The following PDZK1 variants were observed in gnomAD, a reference collection of about 807,000 sequenced individuals.
The protein encoded by PDZK1 is PDZ domain containing 1.
A neutral mutation model predicts 38.1 loss-of-function variants in PDZK1; 23 were observed. That is an observed-to-expected ratio of 0.60 (90% CI 0.43 to 0.85). PDZK1 has a LOEUF of 0.85. Ranked by LOEUF, PDZK1 falls within the 40% of genes least tolerant of loss-of-function variation. The pLI is 0.00. For missense variants in PDZK1, 297 were observed against 504.3 expected (o/e 0.59, Z 3.94); for synonymous variants, 98 against 186.2 (o/e 0.53, Z 3.86).
intron 1 of PDZK1, among the ~76,000 whole-genome samples, chr1:145,697,968 CAA>C (rs1334977991): frequency 3.3e-5 from 5 of 151,542 alleles, no homozygotes; most frequent in Admixed American, 3.3e-4. Context: ...GTTTCTGTAT[CAA>C]GAGATGATAT....
chr1:145,686,688 A>C lies in PDZK1; in HGVS notation c.249T>G (p.Thr83=). The C allele has an allele frequency of 6.4e-7, 1 of 1,562,476 alleles. No individual in the cohort carries two copies. The highest frequency in any genetic ancestry group is 8.8e-7 in the Non-Finnish European group (1 of 1,138,918). ...DLVRKSGNSV[T]LLVLDGDSYE... Reference sequence around the variant, plus strand: ...AGGAATCCCCATCCAGAACTAGTAAAGTCACTGAATTCCCACTCTTTCTGA... The same window carrying C: ...AGGAATCCCCATCCAGAACTAGTAACGTCACTGAATTCCCACTCTTTCTGA... Residue 83 remains threonine (T), a synonymous_variant, in exon 3 of 9, where the codon ACT becomes ACG. Transcript: ENST00000417171.
At chr1:145,671,849 TTACAGAATTTTTAAATGACAA>T (rs1422124349) in intron 8 of PDZK1, among the ~76,000 whole-genome samples, 3 of 152,236 alleles carry the variant, frequency 2.0e-5, no homozygotes, top group South Asian at 4.1e-4. Context: ...TAAAGAGAAA[TTACAGAATTTTTAAATGACAA>T]CTAATACAAC....
intron 6 of PDZK1, among the ~76,000 whole-genome samples, chr1:145,677,007 C>T (rs1167074689): frequency 6.6e-6 from 1 of 152,156 alleles, no homozygotes; most frequent in Non-Finnish European, 1.5e-5. Flanking sequence ...TAGCTACTAC[C>T]CCTCTCTTAC....
At chr1:145,704,109 G>A (rs587644566) in intron 1 of PDZK1, among the ~76,000 whole-genome samples, 70 of 120,422 alleles carry the variant, frequency 5.8e-4, no homozygotes, top group Non-Finnish European at 8.6e-4. Flanking sequence ...GATTACAGGC[G>A]TGAGCCATCA....
chr1:145,675,417 T>C (rs1302570083), intron 6 of PDZK1, among the ~76,000 whole-genome samples: 1 of 141,596 alleles, frequency 7.1e-6, no homozygotes, highest in Non-Finnish European at 1.5e-5. Flanking sequence ...GCAGCCTGAC[T>C]AAAATTAGAT....
rs1363808467 is a variant in PDZK1 at position 145,671,386 on chromosome 1, T to C, written c.*50A>G. The stretch of plus-strand genomic sequence containing the variant: ...TCCTTGAGAAAGGATTCCTATTAAA[T>C]ACCCAGAAACAGCTATCAAATAAAC... On this transcript the variant is annotated 3_prime_UTR_variant, in exon 9 of 9. Transcript: ENST00000417171. 19 of 1,605,992 alleles carry C rather than the reference T, an allele frequency of 1.2e-5. No individual in the cohort carries two copies. The highest frequency in any genetic ancestry group is 1.6e-5 in the Non-Finnish European group (19 of 1,176,186).
chr1:145,677,193 T>G (rs1470286467), intron 6 of PDZK1, among the ~76,000 whole-genome samples: 1 of 152,234 alleles, frequency 6.6e-6, no homozygotes, highest in Non-Finnish European at 1.5e-5. Context: ...AAGTTTCTGG[T>G]CTTTTTCTGT....
intron 5 of PDZK1, among the ~76,000 whole-genome samples, chr1:145,680,340 A>G (rs140340656): frequency 0.02 from 3,103 of 152,306 alleles, 35 homozygotes; most frequent in Non-Finnish European, 0.03. Context: ...ATGGGCGAAT[A>G]GCAGTTTATA....
chr1:145,687,901 A>G lies in PDZK1; in HGVS notation c.121T>C (p.Cys41Arg), dbSNP rs1654931171. ...EGHLVRVVEKCSPAEKAGLQD... is the reference protein window; with the variant it reads ...EGHLVRVVEKRSPAEKAGLQD... Reference sequence around the variant, plus strand: ...AGGCCAGCCTTCTCTGCTGGGCTACACTTCTCAACCACCCGGACCAGGTGG... The same window carrying G: ...AGGCCAGCCTTCTCTGCTGGGCTACGCTTCTCAACCACCCGGACCAGGTGG... Residue 41 changes from cysteine to arginine, a missense_variant, in exon 2 of 9, where the codon TGT (cysteine) becomes CGT (arginine). Coordinates refer to ENST00000417171, the MANE Select transcript of PDZK1 (RefSeq NM_001201325.2). 2 of 1,612,996 alleles carry G rather than the reference A, an allele frequency of 1.2e-6. No individual in the cohort carries two copies. The highest frequency in any genetic ancestry group is 1.7e-6 in the Non-Finnish European group (2 of 1,179,800).
chr1:145,683,331 G>A (rs1203640758), intron 3 of PDZK1, among the ~76,000 whole-genome samples: 3 of 152,246 alleles, frequency 2.0e-5, no homozygotes, highest in Non-Finnish European at 4.4e-5. Flanking sequence ...TTGGCCCCTT[G>A]AACCAGAAAG....
chr1:145,687,735 C>G, intron 2 of PDZK1, 77 bp downstream of exon 2: 1 of 1,296,476 alleles, frequency 7.7e-7, no homozygotes, highest in Admixed American at 1.7e-5. Context: ...CTCTACCAAC[C>G]CCCAAAATTA....
At chr1:145,698,740 C>G (rs1247523381) in intron 1 of PDZK1, among the ~76,000 whole-genome samples, 1 of 151,904 alleles carries the variant, frequency 6.6e-6, no homozygotes, top group Non-Finnish European at 1.5e-5. Context: ...ACCAGCTTGG[C>G]CAACATGGTG....
At chr1:145,693,020 AAAG>A (rs1351894695) in intron 1 of PDZK1, among the ~76,000 whole-genome samples, 1 of 152,190 alleles carries the variant, frequency 6.6e-6, no homozygotes, top group East Asian at 1.9e-4. Flanking sequence ...AAGAAAAAGA[AAAG>A]AAAAGGAATT....
At chr1:145,690,021 T>G (rs377405746) in intron 1 of PDZK1, among the ~76,000 whole-genome samples, 3 of 152,148 alleles carry the variant, frequency 2.0e-5, no homozygotes, top group East Asian at 1.9e-4. Flanking sequence ...CCATCGAGCA[T>G]TGAGGCAAGA....
At chr1:145,706,208 A>T (rs1178911321) in intron 1 of PDZK1, among the ~76,000 whole-genome samples, 1 of 152,222 alleles carries the variant, frequency 6.6e-6, no homozygotes, top group Admixed American at 6.5e-5. Context: ...GATGATTTGT[A>T]TTCCAGTCCT....
At chr1:145,689,890 CAGAG>C (rs1406003811) in intron 1 of PDZK1, among the ~76,000 whole-genome samples, 1 of 152,146 alleles carries the variant, frequency 6.6e-6, no homozygotes, top group African/African-American at 2.4e-5. Context: ...ACAAATCAGA[CAGAG>C]AGCCCCCAGC....
chr1:145,684,964 T>A (rs1654622513), intron 3 of PDZK1, among the ~76,000 whole-genome samples: 1 of 147,658 alleles, frequency 6.8e-6, no homozygotes, highest in African/African-American at 2.5e-5. Context: ...AACACAGTAC[T>A]TTAATACCGT....
At chr1:145,689,036 A>G (rs1359476416) in intron 1 of PDZK1, among the ~76,000 whole-genome samples, 1 of 152,100 alleles carries the variant, frequency 6.6e-6, no homozygotes, top group East Asian at 1.9e-4. Flanking sequence ...TGGCCCCTGA[A>G]GTCTCTAGCC....
At chr1:145,673,281 C>A (rs1412929401) in intron 7 of PDZK1, among the ~76,000 whole-genome samples, 1 of 152,078 alleles carries the variant, frequency 6.6e-6, no homozygotes, top group African/African-American at 2.4e-5. Flanking sequence ...ATAAATAGGT[C>A]CCCCTTCTTC....
Sources: gnomAD v4.1 joint callset for allele counts (sites outside exome capture counted in the v4.1 genomes callset) on GRCh38, gnomAD v4.1.1 for gene constraint, MANE v1.5 for transcripts, NCBI Gene and HGNC (gene_info 2026-07-23, HGNC 2026-07-21) for gene names.